The following MROH9 variants were observed in gnomAD, a reference collection of about 807,000 sequenced individuals.
MROH9 encodes the protein maestro heat-like repeat-containing protein family member 9.
In MROH9, 92 loss-of-function variants were observed where a neutral mutation model predicts 98.2. The observed-to-expected ratio is 0.94, with a 90% CI of 0.79 to 1.11. The LOEUF is 1.11. Among genes scored for constraint, MROH9 ranks in the 50% most tolerant of loss-of-function variants. The probability of loss-of-function intolerance (pLI) is 0.00; values close to 1 mark genes in which losing one functional copy is unlikely to be tolerated. For missense variants in MROH9, 1,057 were observed against 1,014.8 expected, an observed-to-expected ratio of 1.04 and a Z score of -0.57; for synonymous variants, 397 against 368.9, an observed-to-expected ratio of 1.08 and a Z score of -0.87.
intron 17 of MROH9, among the ~76,000 whole-genome samples, chr1:171,018,653 C>G (rs1652408106): frequency 6.6e-6 from 1 of 152,082 alleles, no homozygotes; most frequent in Non-Finnish European, 1.5e-5. Flanking sequence ...AAGCTAAGAA[C>G]CTAGATAAAA....
At chr1:171,032,503 G>A (rs544432476) in intron 20 of MROH9, among the ~76,000 whole-genome samples, 7 of 152,128 alleles carry the variant, frequency 4.6e-5, no homozygotes, top group Non-Finnish European at 8.8e-5. Context: ...CTTTCTGCTT[G>A]TTTTTCTTGC....
At chr1:171,024,582 C>T (rs1652644998) in intron 18 of MROH9, 35 bp downstream of exon 18, 3 of 1,522,324 alleles carry the variant, frequency 2.0e-6, no homozygotes, top group African/African-American at 1.4e-5. Flanking sequence ...ATAAATTTAC[C>T]AAGGATTGTA....
At chr1:171,049,099 G>C (rs1442721259) in intron 20 of MROH9, among the ~76,000 whole-genome samples, 1 of 152,144 alleles carries the variant, frequency 6.6e-6, no homozygotes, top group Admixed American at 6.5e-5. Context: ...GCCATGAGCT[G>C]TGTAGTCTGG....
At chr1:171,023,864 T>G (rs890186341) in intron 17 of MROH9, among the ~76,000 whole-genome samples, 12 of 152,152 alleles carry the variant, frequency 7.9e-5, no homozygotes, top group Non-Finnish European at 1.5e-4. Flanking sequence ...TCATCCAGTC[T>G]AAAAGAAACT....
At chr1:171,042,125 C>T (rs1653328306) in intron 20 of MROH9, among the ~76,000 whole-genome samples, 4 of 152,100 alleles carry the variant, frequency 2.6e-5, no homozygotes, top group Admixed American at 2.6e-4. Flanking sequence ...CCCCACAACC[C>T]CCTCAAATCC....
Position 170,939,154 on chromosome 1 carries a change from T to A in MROH9, c.-38+3567T>A, listed in dbSNP as rs183899307. 1.2e-4 allele frequency among the ~76,000 whole-genome samples: 18 copies of A among 152,376 alleles called. No individual in the cohort carries two copies. In the East Asian group the frequency reaches 3.3e-3, roughly 28 times the overall value. On this transcript the variant is annotated intron_variant, in intron 1 of 21. Coordinates refer to ENST00000367759, the MANE Select transcript of MROH9 (RefSeq NM_001163629.2). ...AACTTTTTGCTAATTCTGAGATGTC[T>A]ATCCACTTATCTCTTCCTCAAATTT...
chr1:170,974,651 C>T (rs569845814), intron 8 of MROH9, among the ~76,000 whole-genome samples: 8 of 151,854 alleles, frequency 5.3e-5, no homozygotes, highest in Non-Finnish European at 1.0e-4. Context: ...TCTTTAACTG[C>T]AAGAAATGTT....
intron 20 of MROH9, among the ~76,000 whole-genome samples, chr1:171,039,390 G>C (rs1304185713): frequency 6.6e-6 from 1 of 152,132 alleles, no homozygotes; most frequent in Non-Finnish European, 1.5e-5. Flanking sequence ...ACTAGGGCCA[G>C]CTCTTTTGCT....
chr1:171,030,201 G>A (rs1652861409), intron 20 of MROH9, among the ~76,000 whole-genome samples: 1 of 151,724 alleles, frequency 6.6e-6, no homozygotes. Context: ...CATTAGTTTA[G>A]CTAGTAGTCT....
chr1:171,022,445 G>T (rs943330345), intron 17 of MROH9, among the ~76,000 whole-genome samples: 1 of 152,180 alleles, frequency 6.6e-6, no homozygotes, highest in Non-Finnish European at 1.5e-5. Flanking sequence ...TATGTGCTTT[G>T]CAGGGACATG....
chr1:170,936,830 G>A (rs1025169155), intron 1 of MROH9, among the ~76,000 whole-genome samples: 1 of 150,748 alleles, frequency 6.6e-6, no homozygotes, highest in Non-Finnish European at 1.5e-5. Flanking sequence ...ACTGAGCCCT[G>A]AACAAAGAGT....
At chr1:171,057,845 G>A (rs1405179721) in intron 20 of MROH9, among the ~76,000 whole-genome samples, 1 of 152,082 alleles carries the variant, frequency 6.6e-6, no homozygotes, top group Non-Finnish European at 1.5e-5. Flanking sequence ...TTCCAACCCA[G>A]AATTTCATAT....
At chr1:171,036,497 C>A (rs1271996955) in intron 20 of MROH9, among the ~76,000 whole-genome samples, 1 of 151,974 alleles carries the variant, frequency 6.6e-6, no homozygotes, top group Non-Finnish European at 1.5e-5. Context: ...ATCTTATAAG[C>A]TAAAGTTGAG....
At chr1:171,012,725 G>A (rs764792612) in intron 15 of MROH9, among the ~76,000 whole-genome samples, 16 of 151,922 alleles carry the variant, frequency 1.1e-4, no homozygotes, top group Admixed American at 2.0e-4. Context: ...GGATGGTCTC[G>A]ATCTTCTGAC....
At position 171,047,851 on chromosome 1, in the gene MROH9, T is replaced by C. The variant is rs143570859; in HGVS notation, c.2282-14281T>C. Among the ~76,000 whole-genome samples the C allele has an allele frequency of 3.9e-5, 6 of 152,338 alleles. No homozygotes were observed. In the East Asian group the frequency reaches 1.2e-3, roughly 29 times the overall value. ...AAGGACTTAGGTGTTGTAACCTAAG[T>C]TGTATCTACTTTGTATCCCCAAGCC... On this transcript the variant is annotated intron_variant, in intron 20 of 21. Transcript: ENST00000367759.
At chr1:171,024,328 G>A in intron 17 of MROH9, 67 bp from the exon 18 acceptor site, 1 of 1,102,658 alleles carries the variant, frequency 9.1e-7, no homozygotes. Flanking sequence ...GTGTGTGTGT[G>A]TGTAGATTAC....
intron 16 of MROH9, chr1:171,015,243 G>T (rs1156573208): frequency 2.9e-6 from 1 of 339,074 alleles, no homozygotes; most frequent in Non-Finnish European, 5.8e-6. Context: ...AATAATACAA[G>T]TTGATGGATT....
rs1034295739 is a variant in MROH9, at chr1:171,061,343, C to T, written c.2282-789C>T. 2.6e-5 allele frequency among the ~76,000 whole-genome samples: 4 copies of T among 152,154 alleles called. No homozygotes were observed. The South Asian group carries it at 6.2e-4, about 24-fold the overall frequency. ...CGCTGAAGTGGAACATAAGCATACC[C>T]GGTAAATCCACTAGTTATATACCAA... On this transcript the variant is annotated intron_variant, in intron 20 of 21. Transcript: ENST00000367759.
chr1:170,982,594 A>G (rs769054003), intron 8 of MROH9, among the ~76,000 whole-genome samples: 3 of 152,186 alleles, frequency 2.0e-5, no homozygotes, highest in Non-Finnish European at 4.4e-5. Flanking sequence ...TGTTCACCTT[A>G]GATATGTTAT....
Sources: gnomAD v4.1 joint callset for allele counts (sites outside exome capture counted in the v4.1 genomes callset) on GRCh38, gnomAD v4.1.1 for gene constraint, MANE v1.5 for transcripts, NCBI Gene and HGNC (gene_info 2026-07-23, HGNC 2026-07-21) for gene names.